Variants in CHM observed in about 807,000 individuals in gnomAD.
CHM encodes the protein rab proteins geranylgeranyltransferase component A 1.
In CHM, 10 loss-of-function variants were observed where a neutral mutation model predicts 49.0. The ratio of observed to expected loss-of-function variants is 0.20; its 90% CI spans 0.13 to 0.35. The LOEUF (loss-of-function observed/expected upper bound fraction) is 0.35, where lower values mean the gene tolerates loss of function less well. Ranked by LOEUF, CHM falls within the 10% of genes least tolerant of loss-of-function variation. The pLI is 1.00. For missense variants in CHM, 455 were observed against 478.4 expected, an observed-to-expected ratio of 0.95 and a Z score of 0.46; for synonymous variants, 184 against 167.5, an observed-to-expected ratio of 1.10 and a Z score of -0.76.
intron 5 of CHM, among the ~76,000 whole-genome samples, chrX:85,960,668 C>A (rs909158975): frequency 9.0e-6 from 1 of 110,716 alleles, no homozygotes; most frequent in African/African-American, 3.3e-5. Context: ...TTAGGTGATC[C>A]GCCCGCTTCA....
At chrX:86,035,014 C>G (rs888940088) in intron 1 of CHM, among the ~76,000 whole-genome samples, 6 of 110,769 alleles carry the variant, frequency 5.4e-5, no homozygotes, top group Non-Finnish European at 9.4e-5. Flanking sequence ...GGAACCTAAT[C>G]CAAATTCAGC....
chrX:85,922,188 T>C (rs752520878), intron 8 of CHM, among the ~76,000 whole-genome samples: 1 of 112,525 alleles, frequency 8.9e-6, no homozygotes, highest in East Asian at 2.8e-4. Flanking sequence ...TTTATATTAC[T>C]AAATCATGTA....
chrX:85,910,091 A>G (rs1193198156), intron 9 of CHM, among the ~76,000 whole-genome samples: 2 of 111,717 alleles, frequency 1.8e-5, no homozygotes, highest in Non-Finnish European at 3.8e-5. Context: ...ATACGTATCA[A>G]TGTTATCTTA....
intron 8 of CHM, among the ~76,000 whole-genome samples, chrX:85,945,871 T>C (rs1413559375): frequency 9.0e-6 from 1 of 111,668 alleles, no homozygotes; most frequent in Admixed American, 9.5e-5. Flanking sequence ...ATATGGACAA[T>C]GAAGTCCAGG....
chrX:85,993,527 T>C (rs1398427475), intron 2 of CHM, among the ~76,000 whole-genome samples: 1 of 112,133 alleles, frequency 8.9e-6, no homozygotes, highest in Non-Finnish European at 1.9e-5. Flanking sequence ...ATCTTCACAC[T>C]ACTGCCATTG....
Position 85,963,741 on chromosome X carries a change from T to C in CHM, c.626A>G (p.Gln209Arg), listed in dbSNP as rs769367457. 1 of 1,207,202 alleles carries C rather than the reference T, an allele frequency of 8.3e-7. No individual in the cohort carries two copies. Among genetic ancestry groups the C allele is most frequent in the Non-Finnish European group, 1.1e-6 (1 of 892,467 alleles). The stretch of plus-strand genomic sequence containing the variant: ...GTAAGTAATTCTGTTTTTCTTTGGT[T>C]GCTCTGTGGTATCTTCTGCTATAGG... ...NVPIAEDTTE[Q>R]PKKNRITYSQ... Residue 209 changes from glutamine to arginine, a missense_variant, in exon 5 of 15, where the codon CAA becomes CGA. Coordinates refer to ENST00000357749, the MANE Select transcript of CHM (RefSeq NM_000390.4).
intron 9 of CHM, chrX:85,903,803 C>G (rs1926426675): frequency 3.2e-6 from 1 of 312,762 alleles, no homozygotes; most frequent in Non-Finnish European, 6.3e-6. Flanking sequence ...GCTATTGGTA[C>G]AGATAAAATA....
intron 2 of CHM, among the ~76,000 whole-genome samples, chrX:86,000,782 C>T (rs2147745837): frequency 9.1e-6 from 1 of 110,465 alleles, no homozygotes; most frequent in Middle Eastern, 4.7e-3. Context: ...ACTCATATGT[C>T]GGAGCTAAAA....
In CHM at chrX:86,047,504, T is replaced by C. The variant is rs138374611; in HGVS notation, c.29A>G (p.Asp10Gly). MADTLPSEF[D>G]VIVIGTGLPE... ...CATACCCGTCCCTATTACGATCACA[T>C]CAAACTCCGAAGGGAGAGTATCCGC... Residue 10 changes from aspartate to glycine, a missense_variant, in exon 1 of 15, where the codon GAT becomes GGT. Physicochemically the swap from Asp to Gly is moderately conservative, Grantham distance 94 (BLOSUM62 -1). Coordinates refer to ENST00000357749, the MANE Select transcript of CHM (RefSeq NM_000390.4). The C allele has an allele frequency of 2.4e-4, 287 of 1,206,948 alleles. No homozygotes were observed. Among genetic ancestry groups the C allele is most frequent in the Non-Finnish European group, 2.1e-4 (189 of 893,366 alleles).
chrX:85,924,877 T>C lies in CHM; in HGVS notation c.1167-13539A>G, dbSNP rs964138475. ...AAAAGCTGTCAAAAAAAACAACACA[T>C]AGCCTTCAGAAAACTTGCTCCCAAA... On this transcript the variant is annotated intron_variant, in intron 8 of 14. Coordinates refer to ENST00000357749, the MANE Select transcript of CHM (RefSeq NM_000390.4). 3.6e-5 allele frequency among the ~76,000 whole-genome samples: 4 copies of C among 111,603 alleles called. No individual in the cohort carries two copies. The South Asian group carries it at 1.5e-3, about 42-fold the overall frequency.
intron 12 of CHM, among the ~76,000 whole-genome samples, chrX:85,888,031 G>C (rs1456314335): frequency 8.9e-6 from 1 of 112,256 alleles, no homozygotes; most frequent in East Asian, 2.8e-4. Context: ...ATTCAAGCTG[G>C]TTGTAGAAAT....
intron 1 of CHM, among the ~76,000 whole-genome samples, chrX:86,042,865 G>A (rs757844970): frequency 4.4e-4 from 48 of 109,883 alleles, no homozygotes; most frequent in African/African-American, 1.4e-3. Flanking sequence ...CTGCAAGAAC[G>A]AATTCACTAT....
chrX:86,030,471 C>A (rs775683287), intron 1 of CHM, among the ~76,000 whole-genome samples: 141 of 110,998 alleles, frequency 1.3e-3, no homozygotes, highest in Non-Finnish European at 2.4e-3. Flanking sequence ...TAGATATTTG[C>A]TGAAGAAAAG....
intron 12 of CHM, among the ~76,000 whole-genome samples, chrX:85,881,638 T>C (rs1924768987): frequency 9.0e-6 from 1 of 111,641 alleles, no homozygotes; most frequent in African/African-American, 3.3e-5. Context: ...AATTATATTA[T>C]GTGATTCTAA....
At chrX:85,952,916 G>A (rs1417081262) in intron 8 of CHM, among the ~76,000 whole-genome samples, 1 of 112,699 alleles carries the variant, frequency 8.9e-6, no homozygotes, top group African/African-American at 3.2e-5. Context: ...TGAACATCAG[G>A]GGTGGCCTGG....
chrX:85,864,435 A>G lies in CHM; in HGVS notation c.*195T>C, dbSNP rs1225661188. ...ACAAGTTTGGTATTTAAAATGAGCA[A>G]GTCAATGTGCTTTATAAGTGTTGTG... On this transcript the variant is annotated 3_prime_UTR_variant, in exon 15 of 15. Coordinates refer to ENST00000357749, the MANE Select transcript of CHM (RefSeq NM_000390.4). 6.9e-6 allele frequency: 3 copies of G among 436,205 alleles called. No homozygotes were observed. Among genetic ancestry groups the G allele is most frequent in the Non-Finnish European group, 1.2e-5 (3 of 248,529 alleles). 35.9% of individuals were successfully genotyped at this position (436,205 alleles called of 1,213,427 possible).
intron 1 of CHM, among the ~76,000 whole-genome samples, chrX:86,038,403 T>G (rs1229811109): frequency 9.0e-6 from 1 of 111,720 alleles, no homozygotes; most frequent in Non-Finnish European, 1.9e-5. Flanking sequence ...TTGTCTGGCC[T>G]TTCCTGATGG....
chrX:86,041,947 G>A (rs1934484268), intron 1 of CHM, among the ~76,000 whole-genome samples: 1 of 109,392 alleles, frequency 9.1e-6, no homozygotes, highest in African/African-American at 3.3e-5. Flanking sequence ...GACATCCTGT[G>A]ATGTGAGAAC....
At chrX:85,884,231 G>C (rs912700454) in intron 12 of CHM, among the ~76,000 whole-genome samples, 9 of 110,506 alleles carry the variant, frequency 8.1e-5, no homozygotes, top group Non-Finnish European at 1.9e-5. Flanking sequence ...AATTTAAGTG[G>C]ACTTATAGAT....
Sources: allele counts gnomAD v4.1 joint callset (sites outside exome capture counted in the v4.1 genomes callset), GRCh38; gene constraint gnomAD v4.1.1; transcripts MANE v1.5; gene names NCBI Gene and HGNC (gene_info 2026-07-23, HGNC 2026-07-21).